EPDR1: variants seen among roughly 807,000 people sequenced by gnomAD.
EPDR1 encodes mammalian ependymin-related protein 1.
In EPDR1, 27 loss-of-function variants were observed where a neutral mutation model predicts 23.7. That is an observed-to-expected ratio of 1.14 (90% CI 0.84 to 1.57). The LOEUF is 1.57. Ranked by LOEUF, EPDR1 falls within the 40% of genes most tolerant of loss-of-function variation. EPDR1 has a pLI of 0.00. For missense variants in EPDR1, 349 were observed against 290.4 expected (o/e 1.20, Z -1.47); for synonymous variants, 137 against 118.2 (o/e 1.16, Z -1.03).
intron 1 of EPDR1, among the ~76,000 whole-genome samples, chr7:37,935,978 A>C (rs2132009662): frequency 7.7e-6 from 1 of 130,288 alleles, no homozygotes; most frequent in Non-Finnish European, 1.6e-5. Context: ...TGATTTGGGA[A>C]CTAGCAAATC....
intron 1 of EPDR1, 78 bp downstream of exon 1, chr7:37,921,286 C>G (rs1785694518): frequency 6.7e-7 from 1 of 1,486,242 alleles, no homozygotes. Context: ...AGGCCTGCGC[C>G]CTGTAACTCT....
rs751378236 is a variant in EPDR1, at chr7:37,921,221, G to A, written c.269+13G>A. The A allele has an allele frequency of 4.4e-6, 7 of 1,574,310 alleles. No individual in the cohort carries two copies. The East Asian group carries it at 1.2e-4, about 26-fold the overall frequency. On this transcript the variant is annotated intron_variant, in intron 1 of 2. Transcript: ENST00000199448. Reference sequence around the variant, plus strand: ...TCCCCTGCAAGAGGTACAGGTCATCGGCCCGCGGGGCGGGAGTAGGGAGCC... The same window carrying A: ...TCCCCTGCAAGAGGTACAGGTCATCAGCCCGCGGGGCGGGAGTAGGGAGCC...
chr7:37,943,281 C>T (rs140501609), intron 1 of EPDR1, among the ~76,000 whole-genome samples: 4 of 152,356 alleles, frequency 2.6e-5, no homozygotes, highest in Admixed American at 6.5e-5. Context: ...ACAATTGCCT[C>T]TGTGACAGAG....
chr7:37,950,303 C>T lies in EPDR1; in HGVS notation c.582C>T (p.Ile194=). The T allele has an allele frequency of 6.2e-7, 1 of 1,614,042 alleles. No individual in the cohort carries two copies. Among genetic ancestry groups the T allele is most frequent in the Non-Finnish European group, 8.5e-7 (1 of 1,179,968 alleles). Residue 194 remains isoleucine, a synonymous_variant, in exon 3 of 3, where the codon ATC becomes ATT. Transcript: ENST00000199448. Reference sequence around the variant, plus strand: ...TATTGTCTACGCGGTTTTTTGACATCCAGCTGGGTATTAAAGACCCCTCGG... The same window carrying T: ...TATTGTCTACGCGGTTTTTTGACATTCAGCTGGGTATTAAAGACCCCTCGG... ...SVILSTRFFD[I]QLGIKDPSVF... is the part of the protein sequence containing the mutation.
rs984410841 is a variant in EPDR1, at chr7:37,951,154, C to A, written c.*758C>A. 1 of 152,160 alleles carries A rather than the reference C, an allele frequency of 6.6e-6. No homozygotes were observed. Among genetic ancestry groups the A allele is most frequent in the East Asian group, 1.9e-4 (1 of 5,202 alleles). The allele number at this position is 152,160 out of a possible 1,614,324, so 9.4% of individuals were successfully genotyped here. A position where few individuals can be genotyped will look rare whatever the true frequency, so the allele number is the denominator to read the frequency against. On this transcript the variant is annotated 3_prime_UTR_variant, in exon 3 of 3. Coordinates refer to ENST00000199448, the MANE Select transcript of EPDR1 (RefSeq NM_017549.5). The stretch of plus-strand genomic sequence containing the variant: ...AAGAGTATTGATGTATGTGCTGAAT[C>A]TTCACAGACTTGTCAATACACAGGC...
intron 1 of EPDR1, among the ~76,000 whole-genome samples, chr7:37,943,487 A>G (rs1265459637): frequency 6.6e-6 from 1 of 152,230 alleles, no homozygotes; most frequent in Non-Finnish European, 1.5e-5. Flanking sequence ...CTTATGTCCT[A>G]ACTGTTAATA....
chr7:37,939,713 T>C (rs936589883), intron 1 of EPDR1, among the ~76,000 whole-genome samples: 1 of 152,246 alleles, frequency 6.6e-6, no homozygotes, highest in Non-Finnish European at 1.5e-5. Context: ...ATGTTATACT[T>C]ACTAAAAATA....
chr7:37,934,838 G>T (rs1260735352), intron 1 of EPDR1, among the ~76,000 whole-genome samples: 2 of 152,204 alleles, frequency 1.3e-5, no homozygotes, highest in East Asian at 3.9e-4. Flanking sequence ...CCAGCTGCTT[G>T]GGAGGCTGGG....
intron 1 of EPDR1, among the ~76,000 whole-genome samples, chr7:37,935,550 G>T (rs1786030613): frequency 6.6e-6 from 1 of 152,128 alleles, no homozygotes; most frequent in South Asian, 2.1e-4. Context: ...GAGAAGTAGA[G>T]AGATGACATT....
At chr7:37,935,929 T>G (rs1182415126) in intron 1 of EPDR1, among the ~76,000 whole-genome samples, 1 of 145,048 alleles carries the variant, frequency 6.9e-6, no homozygotes, top group Non-Finnish European at 1.5e-5. Context: ...TTCAGCATCA[T>G]TAATATTAAC....
At chr7:37,934,337 C>T (rs890006227) in intron 1 of EPDR1, among the ~76,000 whole-genome samples, 4 of 152,184 alleles carry the variant, frequency 2.6e-5, no homozygotes, top group Admixed American at 6.5e-5. Flanking sequence ...CTTGTTGCCT[C>T]ATGGCTTCAA....
Position 37,950,658 on chromosome 7 carries a change from C to G in EPDR1, c.*262C>G, listed in dbSNP as rs988273021. 3 of 441,658 alleles carry G rather than the reference C, an allele frequency of 6.8e-6. No individual in the cohort carries two copies. Among genetic ancestry groups the G allele is most frequent in the African/African-American group, 5.8e-5 (3 of 51,522 alleles). 27.4% of individuals were successfully genotyped at this position (441,658 alleles called of 1,614,324 possible). A position where few individuals can be genotyped will look rare whatever the true frequency, so the allele number is the denominator to read the frequency against. On this transcript the variant is annotated 3_prime_UTR_variant, in exon 3 of 3. Transcript: ENST00000199448. ...ACTTTGGGTATTTCTAATGCCTGTT[C>G]AGGGCTGGTTTTCTGCATGCACGGG...
Position 37,950,534 on chromosome 7 carries a change from T to A in EPDR1, c.*138T>A. On this transcript the variant is annotated 3_prime_UTR_variant, in exon 3 of 3. Coordinates refer to ENST00000199448, the MANE Select transcript of EPDR1 (RefSeq NM_017549.5). The stretch of plus-strand genomic sequence containing the variant: ...AGGAAGATGCACATTGATGTGGGGT[T>A]TTGATGTGTCTGATTTTGACTACTC... 1 of 851,956 alleles carries A rather than the reference T, an allele frequency of 1.2e-6. No individual in the cohort carries two copies. Among genetic ancestry groups the A allele is most frequent in the South Asian group, 2.0e-5 (1 of 51,198 alleles). 52.8% of individuals were successfully genotyped at this position (851,956 alleles called of 1,614,324 possible).
In EPDR1 at chr7:37,921,096, G is replaced by T. The variant is rs913532789; in HGVS notation, c.157G>T (p.Val53Phe). ...QAPQQWEGRQ[V>F]MYQQSSGRNS... ...GCCGCAGCAGTGGGAGGGGCGCCAG[G>T]TTATGTACCAGCAAAGTAGCGGGCG... Residue 53 changes from valine to phenylalanine, a missense_variant, in exon 1 of 3, where the codon GTT (valine) becomes TTT (phenylalanine). Physicochemically the swap from Val to Phe is conservative, Grantham distance 50. Coordinates refer to ENST00000199448, the MANE Select transcript of EPDR1 (RefSeq NM_017549.5). 1.3e-6 allele frequency: 2 copies of T among 1,590,490 alleles called. No homozygotes were observed. Among genetic ancestry groups the T allele is most frequent in the Non-Finnish European group, 1.7e-6 (2 of 1,175,580 alleles).
At chr7:37,935,469 A>G (rs11767349) in intron 1 of EPDR1, among the ~76,000 whole-genome samples, 37,075 of 152,098 alleles carry the variant, frequency 0.24, 4,727 homozygotes, top group East Asian at 0.3. Flanking sequence ...TTATATAACA[A>G]TTTTATATCT....
At chr7:37,946,941 A>G (rs1177317399) in intron 1 of EPDR1, among the ~76,000 whole-genome samples, 1 of 152,252 alleles carries the variant, frequency 6.6e-6, no homozygotes, top group Non-Finnish European at 1.5e-5. Context: ...CAAAATGTAT[A>G]TAAAGTTAAA....
At chr7:37,937,560 C>T (rs769594067) in intron 1 of EPDR1, among the ~76,000 whole-genome samples, 1 of 152,020 alleles carries the variant, frequency 6.6e-6, no homozygotes, top group Non-Finnish European at 1.5e-5. Context: ...AAAATAAAAT[C>T]AGATGATGCT....
chr7:37,924,369 T>C (rs1421666552), intron 1 of EPDR1, among the ~76,000 whole-genome samples: 2 of 152,198 alleles, frequency 1.3e-5, no homozygotes, highest in East Asian at 3.8e-4. Context: ...ATTTTCACAA[T>C]AGAGATGACT....
chr7:37,947,171 C>A (rs745420654), intron 1 of EPDR1, among the ~76,000 whole-genome samples: 19 of 152,166 alleles, frequency 1.2e-4, no homozygotes, highest in Non-Finnish European at 2.1e-4. Context: ...TACATGCGTA[C>A]CATTTTTTAT....
Sources: gnomAD v4.1 joint callset for allele counts (sites outside exome capture counted in the v4.1 genomes callset) on GRCh38, gnomAD v4.1.1 for gene constraint, MANE v1.5 for transcripts, NCBI Gene and HGNC (gene_info 2026-07-23, HGNC 2026-07-21) for gene names.